The following PSCA variants were observed in gnomAD, a reference collection of about 807,000 sequenced individuals.
PSCA encodes the protein prostate stem cell antigen.
PSCA carries 7 observed loss-of-function variants against 7.9 expected under a neutral mutation model. The ratio of observed to expected loss-of-function variants is 0.89; its 90% CI spans 0.51 to 1.67. The LOEUF (loss-of-function observed/expected upper bound fraction) is 1.67, where lower values mean the gene tolerates loss of function less well. Ranked by LOEUF, PSCA falls within the 40% of genes most tolerant of loss-of-function variation. PSCA has a pLI of 0.00. For synonymous variants in PSCA, 61 were observed against 68.3 expected, an observed-to-expected ratio of 0.89 and a Z score of 0.53; for missense variants, 151 against 147.9, an observed-to-expected ratio of 1.02 and a Z score of -0.11.
In PSCA at chr8:142,682,347, G is replaced by A. The variant is rs782821083; in HGVS notation, c.*215G>A. On this transcript the variant is annotated 3_prime_UTR_variant, in exon 3 of 3. Coordinates refer to ENST00000301258, the MANE Select transcript of PSCA (RefSeq NM_005672.5). ...CCGGCAGATCGGCTCTATTGACACA[G>A]ATCCGCCTGCAGATGGCCCCTCCAA... 1.4e-6 allele frequency: 1 copy of A among 710,576 alleles called. No individual in the cohort carries two copies. The highest frequency in any genetic ancestry group is 2.0e-5 in the Admixed American group (1 of 49,924). 44.0% of individuals were successfully genotyped at this position (710,576 alleles called of 1,614,324 possible). A position where few individuals can be genotyped will look rare whatever the true frequency, so the allele number is the denominator to read the frequency against.
chr8:142,679,481 G>A (rs1385086529), upstream of PSCA, among the ~76,000 whole-genome samples: 1 of 152,246 alleles, frequency 6.6e-6, no homozygotes, highest in Non-Finnish European at 1.5e-5. Context: ...AGGGACCATG[G>A]CCTGTGACAC....
chr8:142,681,110 C>T, intron 1 of PSCA: 1 of 544,956 alleles, frequency 1.8e-6, no homozygotes, highest in Non-Finnish European at 3.3e-6. Flanking sequence ...TTCTGAAACA[C>T]ACGGTCACAA....
At chr8:142,680,810 C>G in intron 1 of PSCA, 1 of 591,088 alleles carries the variant, frequency 1.7e-6, no homozygotes. Context: ...CCTTCACCAC[C>G]GTGGGGCAGG....
At chr8:142,679,569 G>C (rs896603214), upstream of PSCA, among the ~76,000 whole-genome samples, 12 of 152,236 alleles carry the variant, frequency 7.9e-5, no homozygotes, top group African/African-American at 2.7e-4. Flanking sequence ...AGGGAGACAT[G>C]AGACATCAAT....
chr8:142,677,614 G>A (rs185844442), upstream of PSCA, among the ~76,000 whole-genome samples: 24 of 152,252 alleles, frequency 1.6e-4, no homozygotes, highest in East Asian at 7.7e-4. Flanking sequence ...GAGCTGGGGC[G>A]GGGGGCGGAG....
upstream of PSCA, chr8:142,679,903 G>A (rs948045267): frequency 1.2e-4 from 18 of 152,386 alleles, no homozygotes; most frequent in African/African-American, 4.3e-4. Flanking sequence ...TTGCTGTCAT[G>A]GCCTGAACCA....
intron 1 of PSCA, 191 bp downstream of exon 1, chr8:142,680,754 C>CCGT (rs143255364): frequency 0.027 from 19,626 of 720,088 alleles, 616 homozygotes; most frequent in East Asian, 0.11. Context: ...CTGTTCCCTG[C>CCGT]CGTCCCCTGT....
At chr8:142,678,281 G>A (rs1847421064), upstream of PSCA, among the ~76,000 whole-genome samples, 2 of 152,152 alleles carry the variant, frequency 1.3e-5, no homozygotes, top group Non-Finnish European at 1.5e-5. Flanking sequence ...CAGCGGGGAC[G>A]AGAGAGCGTC....
upstream of PSCA, among the ~76,000 whole-genome samples, chr8:142,676,960 G>A (rs55783251): frequency 0.054 from 8,172 of 152,312 alleles, 279 homozygotes; most frequent in Middle Eastern, 0.078. Flanking sequence ...TGCATTCAGT[G>A]TATGGCCAAA....
At chr8:142,675,507 C>T (rs1554637750), upstream of PSCA, among the ~76,000 whole-genome samples, 2 of 152,194 alleles carry the variant, frequency 1.3e-5, no homozygotes, top group African/African-American at 4.8e-5. Context: ...CTGCACAGCC[C>T]TCAGGACTTG....
chr8:142,682,236 G>A lies in PSCA; in HGVS notation c.*104G>A. 7 of 1,365,992 alleles carry A rather than the reference G, an allele frequency of 5.1e-6. No individual in the cohort carries two copies. The highest frequency in any genetic ancestry group is 7.1e-6 in the Non-Finnish European group (7 of 991,304). 84.6% of individuals were successfully genotyped at this position (1,365,992 alleles called of 1,614,324 possible). A position where few individuals can be genotyped will look rare whatever the true frequency, so the allele number is the denominator to read the frequency against. ...GTGGGAGCCTGTCCTGGTTCCTGAGGCACATCCTAACGCAAGTCTGACCAT... is the reference window on the plus strand; with the variant it reads ...GTGGGAGCCTGTCCTGGTTCCTGAGACACATCCTAACGCAAGTCTGACCAT... On this transcript the variant is annotated 3_prime_UTR_variant, in exon 3 of 3. Coordinates refer to ENST00000301258, the MANE Select transcript of PSCA (RefSeq NM_005672.5).
intron 1 of PSCA, among the ~76,000 whole-genome samples, chr8:142,674,480 G>T (rs1484563171): frequency 6.6e-6 from 1 of 152,216 alleles, no homozygotes; most frequent in Non-Finnish European, 1.5e-5. Flanking sequence ...CTCATGCAGT[G>T]GTGGCCTTTC....
upstream of PSCA, among the ~76,000 whole-genome samples, chr8:142,678,494 C>CAGCCAGCAGCAGGA (rs1460055478): frequency 2.6e-5 from 4 of 152,228 alleles, no homozygotes; most frequent in African/African-American, 9.6e-5. Context: ...CCCTCAAAGC[C>CAGCCAGCAGCAGGA]AGCCAGCAGC....
At chr8:142,678,260 C>T (rs1284518137), upstream of PSCA, among the ~76,000 whole-genome samples, 2 of 152,122 alleles carry the variant, frequency 1.3e-5, no homozygotes, top group Non-Finnish European at 2.9e-5. Flanking sequence ...CAATGAAGGC[C>T]GGACAACCAT....
At position 142,682,083 on chromosome 8, in the gene PSCA, C is replaced by A; in HGVS notation, c.296C>A (p.Ala99Glu). 6.2e-7 allele frequency: 1 copy of A among 1,607,150 alleles called. No homozygotes were observed. The highest frequency in any genetic ancestry group is 1.1e-5 in the South Asian group (1 of 91,012). The part of the protein sequence containing the change: ...HALQPAAAIL[A>E]LLPALGLLLW... ...CTGCAGCCGGCTGCTGCCATCCTTG[C>A]GCTGCTCCCTGCACTCGGCCTGCTG... The change falls in exon 3 of 3, where the codon GCG becomes GAG. Residue 99 changes from alanine to glutamate, a missense_variant. By Grantham distance (107) the Ala-to-Glu change is moderately radical. Transcript: ENST00000301258.
At chr8:142,681,185 T>C (rs893761728) in intron 1 of PSCA, 142 bp from the exon 2 acceptor site, 1 of 613,198 alleles carries the variant, frequency 1.6e-6, no homozygotes, top group East Asian at 2.8e-5. Flanking sequence ...GCCGTGAAGA[T>C]GGGGAGGAGA....
At chr8:142,680,747 T>G in intron 1 of PSCA, 184 bp downstream of exon 1, 2 of 749,898 alleles carry the variant, frequency 2.7e-6, no homozygotes, top group Non-Finnish European at 4.3e-6. Context: ...CAGCGACCTG[T>G]TCCCTGCCGT....
chr8:142,679,400 G>C (rs1193462263), upstream of PSCA, among the ~76,000 whole-genome samples: 1 of 144,150 alleles, frequency 6.9e-6, no homozygotes, highest in Non-Finnish European at 1.5e-5. Context: ...TCCCCAGGGA[G>C]GCTGTCCCCT....
At chr8:142,675,636 C>T (rs1847391404), upstream of PSCA, among the ~76,000 whole-genome samples, 1 of 152,228 alleles carries the variant, frequency 6.6e-6, no homozygotes, top group South Asian at 2.1e-4. Context: ...ATTTGATCCA[C>T]ATGCACAGAC....
Sources: allele counts gnomAD v4.1 joint callset (sites outside exome capture counted in the v4.1 genomes callset), GRCh38; gene constraint gnomAD v4.1.1; transcripts MANE v1.5; gene names NCBI Gene and HGNC (gene_info 2026-07-23, HGNC 2026-07-21).